SMARCAD1: variants seen among roughly 807,000 people sequenced by gnomAD.
SMARCAD1 encodes SWI/SNF-related matrix-associated actin-dependent regulator of chromatin subfamily A containing DEAD/H box 1.
Under a neutral mutation model 127.1 loss-of-function variants are expected in SMARCAD1, and 25 were observed. The observed-to-expected ratio is 0.20, with a 90% confidence interval of 0.14 to 0.27. The LOEUF (loss-of-function observed/expected upper bound fraction) is 0.27. SMARCAD1 is among the 10% of genes least tolerant of loss of function. The probability of loss-of-function intolerance (pLI) is 1.00; values close to 1 mark genes in which losing one functional copy is unlikely to be tolerated. For synonymous variants in SMARCAD1, 400 were observed against 396.9 expected, an observed-to-expected ratio of 1.01 and a Z score of -0.09; for missense variants, 807 against 1,206.0, an observed-to-expected ratio of 0.67 and a Z score of 4.90.
At position 94,272,162 on chromosome 4, in the gene SMARCAD1, C is replaced by G. The variant is rs1043651169; in HGVS notation, c.1572+1344C>G. 3.3e-5 allele frequency among the ~76,000 whole-genome samples: 5 copies of G among 152,146 alleles called. No homozygotes were observed. The South Asian group carries it at 8.3e-4, about 25-fold the overall frequency. On this transcript the variant is annotated intron_variant, in intron 11 of 23. Transcript: ENST00000354268. Reference sequence around the variant, plus strand: ...TACACATGCCTGATATTTCTTCTTACAAGGACAGTCATATTGGGTTCAGGC... The same window carrying G: ...TACACATGCCTGATATTTCTTCTTAGAAGGACAGTCATATTGGGTTCAGGC...
In SMARCAD1 at chr4:94,252,760, A is replaced by C. The variant is rs1749474566; in HGVS notation, c.1034A>C (p.Lys345Thr). 6.2e-7 allele frequency: 1 copy of C among 1,609,638 alleles called. No homozygotes were observed. The highest frequency in any genetic ancestry group is 1.1e-5 in the South Asian group (1 of 89,076). The stretch of plus-strand genomic sequence containing the variant: ...CAAAATGGCTTTAACAAGAAACGTA[A>C]AAAAAATGTTTTTAATCCAAAGAGA... ...KAQNGFNKKR[K>T]KNVFNPKRVV... Residue 345 changes from lysine (K) to threonine (T), a missense_variant, in exon 9 of 24, where the codon AAA becomes ACA. Lys to Thr is a moderately conservative substitution (Grantham distance 78). Around this residue, in one of 8 missense-constraint regions of SMARCAD1, gnomAD observed 257 missense variants for 303.4 expected, o/e 0.85. Coordinates refer to ENST00000354268, the MANE Select transcript of SMARCAD1 (RefSeq NM_020159.5).
chr4:94,284,346 A>AAAAAAAAAAAAAAAAAG (rs1754579620), intron 22 of SMARCAD1, among the ~76,000 whole-genome samples: 1 of 99,678 alleles, frequency 1.0e-5, no homozygotes, highest in African/African-American at 3.1e-5. Context: ...AAAAAAAAAA[A>AAAAAAAAAAAAAAAAAG]AAAAAAAGAA....
At chr4:94,275,791 A>ATTTTTTTT (rs1753174031) in intron 14 of SMARCAD1, among the ~76,000 whole-genome samples, 1 of 61,534 alleles carries the variant, frequency 1.6e-5, no homozygotes, top group East Asian at 9.5e-4. Context: ...TAACATTAAC[A>ATTTTTTTT]TTTTCTTTTT....
At chr4:94,218,573 C>T (rs1339611612) in intron 2 of SMARCAD1, among the ~76,000 whole-genome samples, 7 of 151,964 alleles carry the variant, frequency 4.6e-5, no homozygotes, top group South Asian at 2.1e-4. Flanking sequence ...GATTACCGCA[C>T]CCAGACTCCT....
chr4:94,218,055 A>G (rs1316775607), intron 2 of SMARCAD1, among the ~76,000 whole-genome samples: 1 of 152,218 alleles, frequency 6.6e-6, no homozygotes, highest in Non-Finnish European at 1.5e-5. Context: ...TATTAAGAGC[A>G]TAGAGAAAAG....
intron 11 of SMARCAD1, among the ~76,000 whole-genome samples, chr4:94,271,559 A>T (rs1427050414): frequency 1.3e-5 from 2 of 152,216 alleles, no homozygotes; most frequent in African/African-American, 4.8e-5. Flanking sequence ...TTGTTCCCTC[A>T]TTAGCCTCTA....
intron 10 of SMARCAD1, 119 bp from the exon 11 acceptor site, chr4:94,270,609 C>A: frequency 1.3e-6 from 1 of 791,882 alleles, no homozygotes; most frequent in Non-Finnish European, 2.2e-6. Context: ...TACATAGCAT[C>A]TAACAGTTAA....
chr4:94,235,064 T>C (rs531306665), intron 4 of SMARCAD1, among the ~76,000 whole-genome samples: 1 of 152,084 alleles, frequency 6.6e-6, no homozygotes, highest in Non-Finnish European at 1.5e-5. Context: ...GTCACCACTT[T>C]AACAGCTATA....
chr4:94,276,281 A>G, intron 14 of SMARCAD1, 58 bp from the exon 15 acceptor site: 6 of 1,592,974 alleles, frequency 3.8e-6, no homozygotes, highest in Non-Finnish European at 5.2e-6. Context: ...ATTAAATTTC[A>G]CTAGACTCCA....
chr4:94,210,357 G>A (rs1742006384), intron 2 of SMARCAD1, among the ~76,000 whole-genome samples: 1 of 152,152 alleles, frequency 6.6e-6, no homozygotes, highest in African/African-American at 2.4e-5. Flanking sequence ...TGTGAATTTT[G>A]GAGAATCTTG....
At chr4:94,288,530 G>A (rs561582937) in intron 23 of SMARCAD1, among the ~76,000 whole-genome samples, 2 of 152,012 alleles carry the variant, frequency 1.3e-5, no homozygotes, top group African/African-American at 2.4e-5. Flanking sequence ...AAGAGTTGAT[G>A]TACTATTTTG....
rs778643889 is a variant in SMARCAD1, at chr4:94,274,800, AAG to A, written c.1732+5_1732+6del. On this transcript the variant is annotated splice_donor_5th_base_variant and intron_variant, in intron 13 of 23. Transcript: ENST00000354268. Reference sequence around the variant, plus strand: ...TTTGAAGGTCCTCTGTTACTATGGTAAGAATATGTCATTCTGCTTTTAACTTT... The same window carrying A: ...TTTGAAGGTCCTCTGTTACTATGGTAAATATGTCATTCTGCTTTTAACTTT... 3.1e-6 allele frequency: 5 copies of A among 1,613,534 alleles called. No homozygotes were observed. The African/African-American group carries it at 6.7e-5, about 22-fold the overall frequency.
chr4:94,228,949 G>C lies in SMARCAD1; in HGVS notation c.368+2653G>C, dbSNP rs573899570. Among the ~76,000 whole-genome samples, 3 of 152,122 alleles carry C rather than the reference G, an allele frequency of 2.0e-5. No individual in the cohort carries two copies. In the East Asian group the frequency reaches 5.8e-4, roughly 29 times the overall value. ...TTGGGTTTAACTAATGTTTCTTCAT[G>C]GTTAAATTTAGGTTAAGTGGAAAGA... is the stretch of plus-strand genomic sequence containing the variant. On this transcript the variant is annotated intron_variant, in intron 3 of 23. Transcript: ENST00000354268.
chr4:94,208,504 C>T lies in SMARCAD1; in HGVS notation c.110C>T (p.Ser37Phe), dbSNP rs1429264424. ...CAGCCTGGCCCTTCTTCACCAATTT[C>T]TCTTAGTGCTGAAGAGGAGAATGCT... ...PSQPGPSSPI[S>F]LSAEEENAEG... is the part of the protein sequence containing the mutation. Residue 37 changes from serine to phenylalanine, a missense_variant, in exon 2 of 24, where the codon TCT (serine) becomes TTT (phenylalanine). Ser to Phe is a radical substitution (Grantham distance 155). Transcript: ENST00000354268. 3.7e-6 allele frequency: 6 copies of T among 1,614,124 alleles called. No homozygotes were observed. In the East Asian group the frequency reaches 6.7e-5, roughly 18 times the overall value.
At chr4:94,223,709 T>G (rs1156432885) in intron 2 of SMARCAD1, among the ~76,000 whole-genome samples, 4 of 147,684 alleles carry the variant, frequency 2.7e-5, no homozygotes, top group Non-Finnish European at 6.0e-5. Flanking sequence ...CTGGAACTAC[T>G]GGCGTGCACC....
At chr4:94,288,921 G>A (rs928314344) in intron 23 of SMARCAD1, among the ~76,000 whole-genome samples, 1 of 152,044 alleles carries the variant, frequency 6.6e-6, no homozygotes, top group Non-Finnish European at 1.5e-5. Flanking sequence ...TTATACTGGG[G>A]CCTCATTTAA....
chr4:94,233,547 A>C (rs1471444199), intron 3 of SMARCAD1, among the ~76,000 whole-genome samples: 1 of 152,194 alleles, frequency 6.6e-6, no homozygotes, highest in Non-Finnish European at 1.5e-5. Flanking sequence ...GGTAGGCCTG[A>C]AAATTACTTT....
In SMARCAD1 at chr4:94,280,613, A is replaced by G. The variant is rs1190780708; in HGVS notation, c.2440A>G (p.Asn814Asp). 2 of 1,613,556 alleles carry G rather than the reference A, an allele frequency of 1.2e-6. No individual in the cohort carries two copies. Among genetic ancestry groups the G allele is most frequent in the Admixed American group, 3.3e-5 (2 of 60,006 alleles). Residue 814 changes from asparagine (N) to aspartate (D), a missense_variant, in exon 20 of 24, where the codon AAC becomes GAC. By Grantham distance (23) the Asn-to-Asp change is conservative. Around this residue, in one of 8 missense-constraint regions of SMARCAD1, gnomAD observed 99 missense variants for 126.0 expected, o/e 0.79. Transcript: ENST00000354268. ...MLKEPTHCEA[N>D]PDLIFEDMEV... ...TAAGGAACCTACACATTGTGAGGCT[A>G]ACCCTGACCTGATCTTTGAAGATAT...
chr4:94,233,859 A>T, intron 3 of SMARCAD1, 95 bp from the exon 4 acceptor site: 1 of 1,250,284 alleles, frequency 8.0e-7, no homozygotes, highest in Non-Finnish European at 1.1e-6. Flanking sequence ...AAAGAACTGC[A>T]GATGTGTTGT....
Sources: gnomAD v4.1 joint callset for allele counts (sites outside exome capture counted in the v4.1 genomes callset) on GRCh38, gnomAD v4.1.1 for gene constraint, gnomAD v4.1.1 regional missense constraint, MANE v1.5 for transcripts, NCBI Gene and HGNC (gene_info 2026-07-23, HGNC 2026-07-21) for gene names.